The following XKR9 variants were observed in gnomAD, a reference collection of about 807,000 sequenced individuals.
The protein encoded by XKR9 is XK-related protein 9.
Under a neutral mutation model 32.0 loss-of-function variants are expected in XKR9, and 32 were observed. The ratio of observed to expected loss-of-function variants is 1.00; its 90% CI spans 0.76 to 1.34. XKR9 has a LOEUF of 1.34. Among genes scored for constraint, XKR9 ranks in the 40% most tolerant of loss-of-function variants. The probability of loss-of-function intolerance (pLI) is 0.00; values close to 1 mark genes in which losing one functional copy is unlikely to be tolerated. For synonymous variants in XKR9, 168 were observed against 143.4 expected (o/e 1.17, Z -1.22); for missense variants, 546 against 429.7 (o/e 1.27, Z -2.39).
At chr8:71,024,430 G>T in the XKR9 span, among the ~76,000 whole-genome samples, 1 of 152,134 alleles carries the variant, frequency 6.6e-6, no homozygotes, top group African/African-American at 2.4e-5. Context: ...GATGTTGGGG[G>T]ATGTCATTGG....
the XKR9 span, among the ~76,000 whole-genome samples, chr8:70,917,637 A>C: frequency 2.6e-5 from 4 of 152,238 alleles, no homozygotes; most frequent in African/African-American, 9.6e-5. Flanking sequence ...CAATGAACGA[A>C]TGACATGGCT....
the XKR9 span, among the ~76,000 whole-genome samples, chr8:70,975,948 G>C: frequency 0.029 from 4,472 of 152,160 alleles, 206 homozygotes; most frequent in African/African-American, 0.1. Context: ...TCCTTGAAGA[G>C]GTCCTTCACA....
chr8:70,963,880 A>T, the XKR9 span, among the ~76,000 whole-genome samples: 1 of 152,208 alleles, frequency 6.6e-6, no homozygotes, highest in African/African-American at 2.4e-5. Flanking sequence ...CCTTTGTCAG[A>T]TGAATTAATT....
At chr8:71,003,282 G>A in the XKR9 span, among the ~76,000 whole-genome samples, 1 of 147,160 alleles carries the variant, frequency 6.8e-6, no homozygotes, top group Admixed American at 6.8e-5. Flanking sequence ...AGCTTCAAAG[G>A]CAAATACTTG....
At chr8:70,870,814 G>A in the XKR9 span, among the ~76,000 whole-genome samples, 8 of 152,270 alleles carry the variant, frequency 5.3e-5, no homozygotes, top group African/African-American at 1.9e-4. Context: ...TCATTGAAGT[G>A]TTTCAGTGGA....
At chr8:71,004,998 CTTTTTTTTTTTTTT>C in the XKR9 span, among the ~76,000 whole-genome samples, 4 of 48,228 alleles carry the variant, frequency 8.3e-5, no homozygotes, top group South Asian at 7.6e-4. Flanking sequence ...TTAATCTATG[CTTTTTTTTTTTTTT>C]TTTTTTTTTT....
the XKR9 span, among the ~76,000 whole-genome samples, chr8:70,974,490 G>A: frequency 6.6e-6 from 1 of 152,120 alleles, no homozygotes; most frequent in African/African-American, 2.4e-5. Flanking sequence ...AGAACATGCA[G>A]TGTTTGGTTT....
At chr8:70,939,254 TA>T in the XKR9 span, among the ~76,000 whole-genome samples, 16 of 152,076 alleles carry the variant, frequency 1.1e-4, no homozygotes, top group Non-Finnish European at 1.9e-4. Flanking sequence ...ACAAGAACGT[TA>T]AAATGTATTG....
At chr8:70,876,218 CTTTTTTT>C in the XKR9 span, among the ~76,000 whole-genome samples, 15 of 101,486 alleles carry the variant, frequency 1.5e-4, no homozygotes, top group Non-Finnish European at 2.6e-4. Flanking sequence ...AAGATTCGTT[CTTTTTTT>C]TTTTTTTTTT....
the XKR9 span, among the ~76,000 whole-genome samples, chr8:70,840,053 G>T: frequency 6.6e-6 from 1 of 152,148 alleles, no homozygotes; most frequent in Non-Finnish European, 1.5e-5. Context: ...GGCTACTAGG[G>T]TGGGTACTTT....
the XKR9 span, among the ~76,000 whole-genome samples, chr8:71,059,388 G>A: frequency 6.6e-6 from 1 of 152,244 alleles, no homozygotes; most frequent in East Asian, 1.9e-4. Flanking sequence ...ATAAACTCCC[G>A]AAGTTATGAG....
chr8:70,982,546 C>T, the XKR9 span, among the ~76,000 whole-genome samples: 1 of 152,114 alleles, frequency 6.6e-6, no homozygotes, highest in South Asian at 2.1e-4. Flanking sequence ...CACCGTGCCC[C>T]CAAAAAGCAC....
At chr8:70,701,527 T>C (rs1805534693) in intron 3 of XKR9, among the ~76,000 whole-genome samples, 1 of 152,168 alleles carries the variant, frequency 6.6e-6, no homozygotes, top group African/African-American at 2.4e-5. Context: ...CCCACCCTTT[T>C]CCTTTCTCTT....
chr8:70,794,957 AATT>A (rs2130277453), downstream of XKR9, among the ~76,000 whole-genome samples: 1 of 151,852 alleles, frequency 6.6e-6, no homozygotes, highest in African/African-American at 2.4e-5. Flanking sequence ...AATTAACGTT[AATT>A]ATTCTTTTTG....
At chr8:70,780,484 A>G (rs896686121) in intron 2 of XKR9, among the ~76,000 whole-genome samples, 19 of 152,034 alleles carry the variant, frequency 1.2e-4, no homozygotes, top group African/African-American at 3.9e-4. Flanking sequence ...TTTTTGACTT[A>G]TGTACTATAT....
the XKR9 span, among the ~76,000 whole-genome samples, chr8:70,951,094 T>C: frequency 6.6e-6 from 1 of 152,180 alleles, no homozygotes; most frequent in South Asian, 2.1e-4. Context: ...TTAGTGACAC[T>C]TTTACTTCAG....
At chr8:70,791,431 C>T (rs1586900332), downstream of XKR9, among the ~76,000 whole-genome samples, 1 of 151,968 alleles carries the variant, frequency 6.6e-6, no homozygotes, top group Non-Finnish European at 1.5e-5. Flanking sequence ...AACCCATGTA[C>T]AAATTTAATT....
chr8:70,992,802 C>T, the XKR9 span, among the ~76,000 whole-genome samples: 47 of 152,350 alleles, frequency 3.1e-4, no homozygotes, highest in Admixed American at 6.5e-4. Flanking sequence ...GGTGTACCCA[C>T]AGCAGCCTGG....
chr8:70,674,249 C>G (rs2132097730), intron 1 of XKR9, among the ~76,000 whole-genome samples: 1 of 152,214 alleles, frequency 6.6e-6, no homozygotes, highest in South Asian at 2.1e-4. Flanking sequence ...AGGGGAGAAA[C>G]ATACTGGGAT....
Sources: gnomAD v4.1 joint callset for allele counts (sites outside exome capture counted in the v4.1 genomes callset) on GRCh38, gnomAD v4.1.1 for gene constraint, MANE v1.5 for transcripts, NCBI Gene and HGNC (gene_info 2026-07-23, HGNC 2026-07-21) for gene names.